Variants in TRERF1 observed in about 807,000 individuals in gnomAD.
The protein encoded by TRERF1 is transcriptional regulating factor 1, also known as transcriptional-regulating factor 1.
Under a neutral mutation model 122.9 loss-of-function variants are expected in TRERF1, and 27 were observed. The observed-to-expected ratio is 0.22, with a 90% CI of 0.16 to 0.30. The LOEUF (loss-of-function observed/expected upper bound fraction) is 0.30, where lower values mean the gene tolerates loss of function less well. Among genes scored for constraint, TRERF1 ranks in the 10% least tolerant of loss-of-function variants. The pLI, the probability that TRERF1 is intolerant of heterozygous loss-of-function variation, is 1.00. For synonymous variants in TRERF1, 636 were observed against 641.7 expected, an observed-to-expected ratio of 0.99 and a Z score of 0.13; for missense variants, 1,248 against 1,560.3, an observed-to-expected ratio of 0.80 and a Z score of 3.37.
intron 2 of TRERF1, among the ~76,000 whole-genome samples, chr6:42,372,981 C>A (rs189702628): frequency 6.6e-6 from 1 of 152,190 alleles, no homozygotes; most frequent in East Asian, 1.9e-4. Context: ...AGCTTGCTAA[C>A]CTCTCTCAGC....
At chr6:42,437,674 G>A (rs1430905779) in intron 2 of TRERF1, among the ~76,000 whole-genome samples, 1 of 152,038 alleles carries the variant, frequency 6.6e-6, no homozygotes, top group African/African-American at 2.4e-5. Flanking sequence ...GATAAGCAAG[G>A]GGGAAAAGAA....
intron 16 of TRERF1, among the ~76,000 whole-genome samples, chr6:42,233,854 G>A (rs774601550): frequency 9.2e-5 from 14 of 152,294 alleles, no homozygotes; most frequent in East Asian, 5.8e-4. Context: ...CGTATTCTAC[G>A]TTGTAGATAG....
intron 3 of TRERF1, among the ~76,000 whole-genome samples, chr6:42,333,549 C>T (rs555912424): frequency 5.3e-5 from 8 of 152,346 alleles, no homozygotes; most frequent in African/African-American, 9.6e-5. Context: ...CTGCACCCTG[C>T]GCAGCTGGAG....
intron 4 of TRERF1, among the ~76,000 whole-genome samples, chr6:42,295,426 C>G (rs1022991537): frequency 6.6e-6 from 1 of 152,292 alleles, no homozygotes; most frequent in African/African-American, 2.4e-5. Context: ...ATGTTAGCCG[C>G]AGGACTTCTG....
At chr6:42,422,346 C>G (rs1782895687) in intron 2 of TRERF1, among the ~76,000 whole-genome samples, 1 of 151,816 alleles carries the variant, frequency 6.6e-6, no homozygotes, top group East Asian at 1.9e-4. Flanking sequence ...ATGACAAAAC[C>G]CTGTCTCTAC....
intron 3 of TRERF1, among the ~76,000 whole-genome samples, chr6:42,305,600 C>T (rs544496082): frequency 9.9e-5 from 15 of 151,456 alleles, no homozygotes; most frequent in African/African-American, 2.9e-4. Flanking sequence ...TCTACCAGAC[C>T]GAGGACGGGG....
At chr6:42,360,673 A>G (rs1005228623) in intron 3 of TRERF1, among the ~76,000 whole-genome samples, 2 of 149,234 alleles carry the variant, frequency 1.3e-5, no homozygotes, top group Non-Finnish European at 3.0e-5. Flanking sequence ...CCAGAACTCT[A>G]CACACCCCCA....
Position 42,264,855 on chromosome 6 carries a change from C to G in TRERF1, c.1485-1G>C. The G allele has an allele frequency of 1.2e-6, 2 of 1,614,038 alleles. No individual in the cohort carries two copies. The highest frequency in any genetic ancestry group is 1.7e-6 in the Non-Finnish European group (2 of 1,179,960). The stretch of plus-strand genomic sequence containing the variant: ...CCCAAACGCTCCTTTGGGTTGGCCA[C>G]TGCTCAAGGGAAGAGTCAAATGGAG... On this transcript the variant is annotated splice_acceptor_variant, in intron 6 of 17. Transcript: ENST00000372922. LOFTEE classifies it high-confidence loss of function.
chr6:42,439,206 G>A (rs188415853), intron 2 of TRERF1, among the ~76,000 whole-genome samples: 11 of 152,130 alleles, frequency 7.2e-5, no homozygotes, highest in African/African-American at 1.7e-4. Flanking sequence ...ACTGGATTCC[G>A]TTCCCCAACA....
chr6:42,293,858 C>T (rs1180432330), intron 4 of TRERF1, among the ~76,000 whole-genome samples: 2 of 151,886 alleles, frequency 1.3e-5, no homozygotes, highest in Admixed American at 1.3e-4. Flanking sequence ...ACTTCCCCTC[C>T]TTGCACCTCA....
chr6:42,229,008 C>T (rs1769994202), intron 17 of TRERF1, among the ~76,000 whole-genome samples: 1 of 152,232 alleles, frequency 6.6e-6, no homozygotes, highest in African/African-American at 2.4e-5. Context: ...ACCATGCCCT[C>T]TCCACTGGAG....
At chr6:42,368,489 C>T (rs955258747) in intron 2 of TRERF1, among the ~76,000 whole-genome samples, 3 of 152,194 alleles carry the variant, frequency 2.0e-5, no homozygotes, top group Non-Finnish European at 2.9e-5. Context: ...AGCACCAAGA[C>T]TCTAAACACC....
chr6:42,396,393 C>T (rs977857451), intron 2 of TRERF1, among the ~76,000 whole-genome samples: 1 of 151,752 alleles, frequency 6.6e-6, no homozygotes, highest in African/African-American at 2.4e-5. Context: ...AAAGGTAGTA[C>T]TTTGAAGGCA....
intron 3 of TRERF1, among the ~76,000 whole-genome samples, chr6:42,317,117 G>A (rs1762621047): frequency 6.6e-6 from 1 of 151,946 alleles, no homozygotes; most frequent in African/African-American, 2.4e-5. Flanking sequence ...CCAATCAGCA[G>A]CTCCCATTCC....
chr6:42,441,496 T>C (rs973673641), intron 2 of TRERF1, among the ~76,000 whole-genome samples: 1 of 152,108 alleles, frequency 6.6e-6, no homozygotes, highest in African/African-American at 2.4e-5. Context: ...ATTCGAGAGC[T>C]CAGTTAAACC....
intron 2 of TRERF1, among the ~76,000 whole-genome samples, chr6:42,365,613 C>T (rs1203493118): frequency 6.6e-6 from 1 of 152,098 alleles, no homozygotes; most frequent in South Asian, 2.1e-4. Flanking sequence ...GTGTTTTTAG[C>T]CTCTATCTAT....
At chr6:42,402,664 A>G (rs1779561673) in intron 2 of TRERF1, among the ~76,000 whole-genome samples, 1 of 152,204 alleles carries the variant, frequency 6.6e-6, no homozygotes, top group African/African-American at 2.4e-5. Flanking sequence ...TTTCTTATCA[A>G]GCTAAGTCTC....
At chr6:42,272,345 G>A (rs926865909) in intron 4 of TRERF1, among the ~76,000 whole-genome samples, 2 of 152,242 alleles carry the variant, frequency 1.3e-5, no homozygotes, top group Non-Finnish European at 1.5e-5. Flanking sequence ...GTGGAGGAAG[G>A]CGAGCCGTGG....
At chr6:42,437,612 T>C (rs762669853) in intron 2 of TRERF1, among the ~76,000 whole-genome samples, 6 of 152,290 alleles carry the variant, frequency 3.9e-5, no homozygotes, top group Middle Eastern at 3.4e-3. Flanking sequence ...CATAGTCATA[T>C]TTTTGAAGGA....
Sources: allele counts gnomAD v4.1 joint callset (sites outside exome capture counted in the v4.1 genomes callset), GRCh38; gene constraint gnomAD v4.1.1; transcripts MANE v1.5; gene names NCBI Gene and HGNC (gene_info 2026-07-23, HGNC 2026-07-21).